The following GPC6 variants were observed in gnomAD, a reference collection of about 807,000 sequenced individuals.
GPC6 encodes the protein glypican-6.
Under a neutral mutation model 55.2 loss-of-function variants are expected in GPC6, and 14 were observed. That is an observed-to-expected ratio of 0.25 (90% CI 0.17 to 0.40). The LOEUF is 0.40. Ranked by LOEUF, GPC6 falls within the 10% of genes least tolerant of loss-of-function variation. The pLI is 1.00. For missense variants in GPC6, 641 were observed against 708.5 expected, an observed-to-expected ratio of 0.90 and a Z score of 1.08; for synonymous variants, 278 against 259.6, an observed-to-expected ratio of 1.07 and a Z score of -0.68.
intron 1 of GPC6, among the ~76,000 whole-genome samples, chr13:93,323,929 C>G (rs1045194554): frequency 6.6e-6 from 1 of 152,122 alleles, no homozygotes; most frequent in South Asian, 2.1e-4. Flanking sequence ...CTCCAGCAGT[C>G]CCACTGCTGG....
chr13:94,006,121 A>C (rs901597813), intron 3 of GPC6, among the ~76,000 whole-genome samples: 6 of 152,236 alleles, frequency 3.9e-5, no homozygotes, highest in Non-Finnish European at 8.8e-5. Context: ...CAAAGCTGGC[A>C]TGCTAAGCCA....
At chr13:93,231,110 T>G (rs1384168894) in intron 1 of GPC6, among the ~76,000 whole-genome samples, 1 of 151,646 alleles carries the variant, frequency 6.6e-6, no homozygotes, top group Non-Finnish European at 1.5e-5. Context: ...ATTAACCCCA[T>G]TTTATAGATA....
At chr13:94,191,500 A>G (rs1172437465) in intron 4 of GPC6, among the ~76,000 whole-genome samples, 2 of 152,134 alleles carry the variant, frequency 1.3e-5, no homozygotes, top group Admixed American at 1.3e-4. Flanking sequence ...TGTACACTGC[A>G]CGGCATCAGG....
intron 4 of GPC6, among the ~76,000 whole-genome samples, chr13:94,145,883 G>A (rs644025): frequency 0.79 from 119,369 of 152,058 alleles, 47,456 homozygotes; most frequent in African/African-American, 0.91. Context: ...GGTTTGGGTA[G>A]AGAAAATCAG....
At chr13:93,331,619 A>T (rs1341246312) in intron 1 of GPC6, among the ~76,000 whole-genome samples, 1 of 141,516 alleles carries the variant, frequency 7.1e-6, no homozygotes, top group Non-Finnish European at 1.5e-5. Flanking sequence ...CCCCTGAAAC[A>T]TTGTTTTTTC....
At chr13:94,278,396 A>G (rs1319099182) in intron 4 of GPC6, among the ~76,000 whole-genome samples, 8 of 152,048 alleles carry the variant, frequency 5.3e-5, no homozygotes, top group Non-Finnish European at 1.0e-4. Context: ...AGACAATTTG[A>G]CTTCCTCTCT....
At chr13:93,362,819 G>A (rs1012626867) in intron 1 of GPC6, among the ~76,000 whole-genome samples, 1 of 152,120 alleles carries the variant, frequency 6.6e-6, no homozygotes, top group African/African-American at 2.4e-5. Context: ...TCTTAAAGGA[G>A]TACTCAAGTG....
At chr13:93,969,913 G>A (rs11840928) in intron 3 of GPC6, among the ~76,000 whole-genome samples, 4,378 of 152,126 alleles carry the variant, frequency 0.029, 247 homozygotes, top group African/African-American at 0.1. Context: ...CATTTCTTAT[G>A]GCTAAATAGT....
chr13:93,722,129 A>G (rs1883475876), intron 2 of GPC6, among the ~76,000 whole-genome samples: 1 of 151,776 alleles, frequency 6.6e-6, no homozygotes, highest in African/African-American at 2.4e-5. Context: ...TAAATATGCA[A>G]AAAAGGAAAG....
At chr13:93,667,256 C>T (rs1881175856) in intron 2 of GPC6, among the ~76,000 whole-genome samples, 1 of 151,686 alleles carries the variant, frequency 6.6e-6, no homozygotes, top group African/African-American at 2.4e-5. Flanking sequence ...TTTTCAGAAG[C>T]CATGTTATGT....
chr13:93,620,554 G>A (rs1878907236), intron 2 of GPC6, among the ~76,000 whole-genome samples: 2 of 152,166 alleles, frequency 1.3e-5, no homozygotes, highest in South Asian at 4.1e-4. Flanking sequence ...TGTGCAAAAT[G>A]TGTTCTTATT....
At chr13:94,119,287 C>A (rs1243436393) in intron 4 of GPC6, among the ~76,000 whole-genome samples, 1 of 151,866 alleles carries the variant, frequency 6.6e-6, no homozygotes, top group East Asian at 1.9e-4. Flanking sequence ...GTAAAAGATG[C>A]AGTATGTCAG....
chr13:93,228,416 G>A (rs1875891554), intron 1 of GPC6, among the ~76,000 whole-genome samples: 2 of 152,282 alleles, frequency 1.3e-5, no homozygotes, highest in East Asian at 3.9e-4. Context: ...GGGGATTCGG[G>A]TCCGGGTTCG....
chr13:93,592,225 A>G (rs1344414607), intron 2 of GPC6, among the ~76,000 whole-genome samples: 1 of 151,462 alleles, frequency 6.6e-6, no homozygotes, highest in African/African-American at 2.4e-5. Flanking sequence ...TGCTCTGTCA[A>G]CCGGGCTGGA....
At chr13:93,482,745 T>C (rs1294456682) in intron 1 of GPC6, among the ~76,000 whole-genome samples, 1 of 152,160 alleles carries the variant, frequency 6.6e-6, no homozygotes, top group African/African-American at 2.4e-5. Context: ...TATTTTCCTT[T>C]TTGTTACAGG....
intron 1 of GPC6, among the ~76,000 whole-genome samples, chr13:93,245,278 G>A (rs1010087580): frequency 7.9e-5 from 12 of 152,178 alleles, no homozygotes; most frequent in African/African-American, 1.2e-4. Flanking sequence ...CTTGAGCACC[G>A]TTATTCAGTT....
At chr13:93,498,285 G>T (rs1594214824) in intron 1 of GPC6, among the ~76,000 whole-genome samples, 1 of 152,170 alleles carries the variant, frequency 6.6e-6, no homozygotes, top group East Asian at 1.9e-4. Context: ...CACTTGGGCT[G>T]CTTTTGTCCC....
intron 2 of GPC6, among the ~76,000 whole-genome samples, chr13:93,751,602 G>T (rs1264495635): frequency 6.6e-6 from 1 of 152,004 alleles, no homozygotes; most frequent in Non-Finnish European, 1.5e-5. Context: ...GCCCACTGCA[G>T]CCTCAAACTC....
intron 2 of GPC6, among the ~76,000 whole-genome samples, chr13:93,797,386 C>A (rs1176889873): frequency 6.6e-6 from 1 of 152,140 alleles, no homozygotes; most frequent in African/African-American, 2.4e-5. Context: ...TTATCTAGTA[C>A]AGCTTTCATA....
Sources: gnomAD v4.1 joint callset for allele counts (sites outside exome capture counted in the v4.1 genomes callset) on GRCh38, gnomAD v4.1.1 for gene constraint, MANE v1.5 for transcripts, NCBI Gene and HGNC (gene_info 2026-07-23, HGNC 2026-07-21) for gene names.